HIKESHI: variants seen among roughly 807,000 people sequenced by gnomAD.
The protein encoded by HIKESHI is protein Hikeshi.
Under a neutral mutation model 25.7 loss-of-function variants are expected in HIKESHI, and 13 were observed. The ratio of observed to expected loss-of-function variants is 0.51; its 90% CI spans 0.33 to 0.80. HIKESHI has a LOEUF of 0.80. Among genes scored for constraint, HIKESHI ranks in the 30% least tolerant of loss-of-function variants. HIKESHI has a pLI of 0.02. For missense variants in HIKESHI, 174 were observed against 229.5 expected, an observed-to-expected ratio of 0.76 and a Z score of 1.56; for synonymous variants, 76 against 78.7, an observed-to-expected ratio of 0.97 and a Z score of 0.18.
At chr11:86,337,590 A>G (rs1448694241) in intron 3 of HIKESHI, 60 bp downstream of exon 3, 39 of 1,493,516 alleles carry the variant, frequency 2.6e-5, no homozygotes, top group South Asian at 1.8e-4. Context: ...AAGGTATAAT[A>G]TACAAGTTAA....
At chr11:86,339,064 G>C (rs929792782) in intron 3 of HIKESHI, among the ~76,000 whole-genome samples, 1 of 151,294 alleles carries the variant, frequency 6.6e-6, no homozygotes, top group Admixed American at 6.6e-5. Flanking sequence ...TTTTCTCTTT[G>C]AGACGGAGTC....
Position 86,339,538 on chromosome 11 carries a change from T to C in HIKESHI, c.420+2008T>C, listed in dbSNP as rs980688487. Among the ~76,000 whole-genome samples the C allele has an allele frequency of 4.6e-5, 7 of 152,374 alleles. No homozygotes were observed. The South Asian group carries it at 1.2e-3, about 27-fold the overall frequency. ...AAAAGAAATTAAGGCATTATAGATA[T>C]AGCCCACTGCTGCCTGCTTCTCTTC... is the stretch of plus-strand genomic sequence containing the variant. On this transcript the variant is annotated intron_variant, in intron 3 of 4. Coordinates refer to ENST00000278483, the MANE Select transcript of HIKESHI (RefSeq NM_016401.4).
chr11:86,329,629 T>C (rs1194292486), intron 2 of HIKESHI, among the ~76,000 whole-genome samples: 3 of 151,926 alleles, frequency 2.0e-5, no homozygotes, highest in Admixed American at 6.6e-5. Flanking sequence ...TCAAACACCA[T>C]TTTGAATAGA....
chr11:86,308,107 CTA>C (rs1247207831), intron 2 of HIKESHI, among the ~76,000 whole-genome samples: 59 of 112,510 alleles, frequency 5.2e-4, no homozygotes, highest in African/African-American at 2.1e-3. Flanking sequence ...ATACTATATA[CTA>C]TATATACAGT....
At chr11:86,336,198 G>A (rs1947553590) in intron 2 of HIKESHI, among the ~76,000 whole-genome samples, 2 of 152,190 alleles carry the variant, frequency 1.3e-5, no homozygotes, top group South Asian at 4.1e-4. Context: ...AGTTTGAAGA[G>A]CAGACCCTTA....
chr11:86,343,604 C>G (rs922493639), intron 3 of HIKESHI: 1 of 152,210 alleles, frequency 6.6e-6, no homozygotes, highest in African/African-American at 2.4e-5. Flanking sequence ...CACTGCATTC[C>G]AGCCTGGGTG....
At chr11:86,317,259 G>C (rs1041493564) in intron 2 of HIKESHI, among the ~76,000 whole-genome samples, 2 of 152,138 alleles carry the variant, frequency 1.3e-5, no homozygotes, top group African/African-American at 4.8e-5. Flanking sequence ...ATTTCTAAGA[G>C]GTTCAGTGAG....
intron 2 of HIKESHI, among the ~76,000 whole-genome samples, chr11:86,318,319 A>AAAAAAAAAAAAAAAAAAAAAAAAAAC: frequency 6.7e-6 from 1 of 148,528 alleles, no homozygotes; most frequent in African/African-American, 2.5e-5. Flanking sequence ...AAAAAAAAAA[A>AAAAAAAAAAAAAAAAAAAAAAAAAAC]AAAATCCTGA....
chr11:86,302,299 T>C lies in HIKESHI; in HGVS notation c.-150T>C. 2 of 903,416 alleles carry C rather than the reference T, an allele frequency of 2.2e-6. No homozygotes were observed. The highest frequency in any genetic ancestry group is 3.5e-6 in the Non-Finnish European group (2 of 574,412). The allele number at this position is 903,416 out of a possible 1,614,324, so 56.0% of individuals were successfully genotyped here. A position where few individuals can be genotyped will look rare whatever the true frequency, so the allele number is the denominator to read the frequency against. The stretch of plus-strand genomic sequence containing the variant: ...GTCAGAGTTCGCGGGGGCAGAGGCA[T>C]TCTTGCCGCTGGCCCAGTCACTATG... On this transcript the variant is annotated 5_prime_UTR_variant, in exon 1 of 5. Transcript: ENST00000278483.
chr11:86,314,215 T>C (rs558151664), intron 2 of HIKESHI, among the ~76,000 whole-genome samples: 17 of 152,130 alleles, frequency 1.1e-4, no homozygotes, highest in Non-Finnish European at 2.4e-4. Context: ...AGGAATGATA[T>C]CTGATTTTAT....
In HIKESHI at chr11:86,345,770, T is replaced by G. The variant is rs574609905; in HGVS notation, c.*132T>G. ...AACTGCTTAGAGACTGAAGCTTAAT[T>G]AAAAATCTTTATTAAAAATTAAAAA... On this transcript the variant is annotated 3_prime_UTR_variant, in exon 5 of 5. Transcript: ENST00000278483. 3.6e-5 allele frequency: 15 copies of G among 415,780 alleles called. No individual in the cohort carries two copies. The East Asian group carries it at 5.6e-4, about 15-fold the overall frequency. The allele number at this position is 415,780 out of a possible 1,614,324, so 25.8% of individuals were successfully genotyped here. A position where few individuals can be genotyped will look rare whatever the true frequency, so the allele number is the denominator to read the frequency against.
At chr11:86,318,943 A>C (rs746394871) in intron 2 of HIKESHI, among the ~76,000 whole-genome samples, 9 of 152,092 alleles carry the variant, frequency 5.9e-5, no homozygotes, top group Non-Finnish European at 1.2e-4. Flanking sequence ...TAGAGACAGG[A>C]TCTTACTCTG....
chr11:86,338,938 T>G (rs1197955986), intron 3 of HIKESHI, among the ~76,000 whole-genome samples: 5 of 152,222 alleles, frequency 3.3e-5, no homozygotes. Context: ...AAACTATAGT[T>G]TTAATTAAAT....
intron 3 of HIKESHI, among the ~76,000 whole-genome samples, chr11:86,340,677 A>G (rs930433206): frequency 2.0e-5 from 3 of 151,778 alleles, no homozygotes; most frequent in African/African-American, 7.3e-5. Flanking sequence ...ATGGAGTCTC[A>G]CTCTGTTGCC....
chr11:86,334,060 T>C (rs1947485088), intron 2 of HIKESHI, among the ~76,000 whole-genome samples: 1 of 152,218 alleles, frequency 6.6e-6, no homozygotes, highest in Non-Finnish European at 1.5e-5. Context: ...TCCATGTTTA[T>C]CCATGATGGT....
At chr11:86,309,034 G>A (rs1255112061) in intron 2 of HIKESHI, among the ~76,000 whole-genome samples, 4 of 152,006 alleles carry the variant, frequency 2.6e-5, no homozygotes, top group South Asian at 2.1e-4. Flanking sequence ...AAACATACAC[G>A]TGCATGTGTC....
At chr11:86,340,524 G>A (rs1246188386) in intron 3 of HIKESHI, among the ~76,000 whole-genome samples, 2 of 152,164 alleles carry the variant, frequency 1.3e-5, no homozygotes, top group African/African-American at 4.8e-5. Context: ...ATTTTTTCAT[G>A]TATCTGTTGG....
intron 2 of HIKESHI, among the ~76,000 whole-genome samples, chr11:86,309,199 G>A (rs1946766876): frequency 6.6e-6 from 1 of 152,122 alleles, no homozygotes; most frequent in Non-Finnish European, 1.5e-5. Context: ...GTGTAAAAGT[G>A]TTCTATTTCT....
Position 86,317,783 on chromosome 11 carries a change from C to T in HIKESHI, c.268+11301C>T, listed in dbSNP as rs569481675. ...TCACGCCACTGTACTCCAGCCTGGG[C>T]GATAGAAAAAAAACAAAAACGAAAA... On this transcript the variant is annotated intron_variant, in intron 2 of 4. Transcript: ENST00000278483. Among the ~76,000 whole-genome samples the T allele has an allele frequency of 9.0e-3, 1,334 of 148,914 alleles. 6 individuals are homozygous for T. Among genetic ancestry groups the T allele is most frequent in the Non-Finnish European group, 0.012 (780 of 67,430 alleles).
Sources: allele counts gnomAD v4.1 joint callset (sites outside exome capture counted in the v4.1 genomes callset), GRCh38; gene constraint gnomAD v4.1.1; transcripts MANE v1.5; gene names NCBI Gene and HGNC (gene_info 2026-07-23, HGNC 2026-07-21).